Variants in CTNND2 observed in about 807,000 individuals in gnomAD.
The protein encoded by CTNND2 is catenin delta-2.
A neutral mutation model predicts 144.4 loss-of-function variants in CTNND2; 22 were observed. The observed-to-expected ratio is 0.15, with a 90% CI of 0.11 to 0.22. CTNND2 has a LOEUF of 0.22. CTNND2 is among the 10% of genes least tolerant of loss of function. CTNND2 has a pLI of 1.00. For missense variants in CTNND2, 1,353 were observed against 1,618.8 expected, an observed-to-expected ratio of 0.84 and a Z score of 2.82; for synonymous variants, 751 against 695.6, an observed-to-expected ratio of 1.08 and a Z score of -1.25.
intron 17 of CTNND2, among the ~76,000 whole-genome samples, chr5:11,019,508 G>A (rs1489866546): frequency 6.6e-6 from 1 of 152,198 alleles, no homozygotes; most frequent in Non-Finnish European, 1.5e-5. Flanking sequence ...AAAACCAAAA[G>A]AGACTGTGAA....
chr5:11,585,306 A>G (rs756082035), intron 2 of CTNND2, among the ~76,000 whole-genome samples: 8 of 152,192 alleles, frequency 5.3e-5, no homozygotes, highest in Non-Finnish European at 1.2e-4. Flanking sequence ...CTCCTACTTA[A>G]GAGAGAATAC....
intron 21 of CTNND2, among the ~76,000 whole-genome samples, 183 bp downstream of exon 21, chr5:10,981,590 C>T (rs1254952017): frequency 6.6e-6 from 1 of 151,854 alleles, no homozygotes; most frequent in Admixed American, 6.6e-5. Context: ...GAGTCCAACA[C>T]ACACACACAC....
At chr5:11,804,292 C>A (rs928977346) in intron 1 of CTNND2, among the ~76,000 whole-genome samples, 1 of 152,156 alleles carries the variant, frequency 6.6e-6, no homozygotes, top group African/African-American at 2.4e-5. Flanking sequence ...GACTGTTTGG[C>A]AGCTGCTTTA....
intron 3 of CTNND2, among the ~76,000 whole-genome samples, chr5:11,451,432 T>C (rs939033724): frequency 5.9e-5 from 9 of 152,170 alleles, no homozygotes; most frequent in African/African-American, 2.2e-4. Context: ...GTCCTAGGAA[T>C]AGTAAGTAAT....
At chr5:11,834,677 TA>T (rs1358900928) in intron 1 of CTNND2, among the ~76,000 whole-genome samples, 1 of 152,206 alleles carries the variant, frequency 6.6e-6, no homozygotes. Context: ...TCATTGTGAA[TA>T]TACCTTTTAT....
chr5:11,864,832 A>G (rs780291479), intron 1 of CTNND2, among the ~76,000 whole-genome samples: 1 of 149,058 alleles, frequency 6.7e-6, no homozygotes, highest in Non-Finnish European at 1.5e-5. Flanking sequence ...ACTAGTCTAC[A>G]GTGAATCACA....
At chr5:11,079,574 C>T (rs991004869) in intron 16 of CTNND2, among the ~76,000 whole-genome samples, 1 of 152,152 alleles carries the variant, frequency 6.6e-6, no homozygotes, top group South Asian at 2.1e-4. Flanking sequence ...TCCCAACACT[C>T]GCCCTGCCAG....
At chr5:11,500,777 T>A (rs1359132104) in intron 3 of CTNND2, among the ~76,000 whole-genome samples, 1 of 152,226 alleles carries the variant, frequency 6.6e-6, no homozygotes, top group African/African-American at 2.4e-5. Context: ...GCATGCTAAA[T>A]GTATCTCAGA....
At chr5:11,266,498 T>C (rs1745453450) in intron 9 of CTNND2, among the ~76,000 whole-genome samples, 2 of 152,342 alleles carry the variant, frequency 1.3e-5, no homozygotes, top group African/African-American at 4.8e-5. Flanking sequence ...GCCATTTTAA[T>C]TGCAGTATTG....
At chr5:11,812,964 C>G (rs570099508) in intron 1 of CTNND2, among the ~76,000 whole-genome samples, 1 of 152,154 alleles carries the variant, frequency 6.6e-6, no homozygotes, top group African/African-American at 2.4e-5. Context: ...TATCACCCCC[C>G]ACACACATAC....
At chr5:11,436,202 G>A (rs1218332788) in intron 3 of CTNND2, among the ~76,000 whole-genome samples, 2 of 151,988 alleles carry the variant, frequency 1.3e-5, no homozygotes, top group Non-Finnish European at 2.9e-5. Flanking sequence ...GGCAACAGAC[G>A]AATGGGAGAA....
chr5:11,624,028 C>T (rs1214434691), intron 2 of CTNND2, among the ~76,000 whole-genome samples: 1 of 151,326 alleles, frequency 6.6e-6, no homozygotes, highest in African/African-American at 2.4e-5. Flanking sequence ...GACACCTGAC[C>T]ATATAGACTT....
At chr5:11,454,170 C>G (rs561944773) in intron 3 of CTNND2, among the ~76,000 whole-genome samples, 22 of 152,222 alleles carry the variant, frequency 1.4e-4, no homozygotes, top group Non-Finnish European at 2.5e-4. Flanking sequence ...GCCTGTAGCC[C>G]CAGCACTTGG....
At chr5:11,762,378 T>C (rs1219980186) in intron 1 of CTNND2, among the ~76,000 whole-genome samples, 2 of 152,160 alleles carry the variant, frequency 1.3e-5, no homozygotes, top group Non-Finnish European at 2.9e-5. Flanking sequence ...ATTAGATCTA[T>C]ACTGTAATGT....
At chr5:11,086,674 A>T (rs1023605932) in intron 15 of CTNND2, among the ~76,000 whole-genome samples, 13 of 152,336 alleles carry the variant, frequency 8.5e-5, no homozygotes, top group Admixed American at 3.3e-4. Context: ...TTTGGTAACA[A>T]GGAGAAGTCA....
At chr5:11,311,260 A>ATACC (rs1750806257) in intron 9 of CTNND2, among the ~76,000 whole-genome samples, 1 of 112,740 alleles carries the variant, frequency 8.9e-6, no homozygotes, top group Non-Finnish European at 1.8e-5. Flanking sequence ...ATAAACTCTC[A>ATACC]CACTCACTCC....
chr5:10,986,232 T>C (rs549372147), intron 20 of CTNND2, among the ~76,000 whole-genome samples: 3 of 152,362 alleles, frequency 2.0e-5, no homozygotes, highest in African/African-American at 7.2e-5. Context: ...GTAAATTTTA[T>C]GTTTTATTTT....
chr5:11,695,622 C>G (rs767053062), intron 2 of CTNND2, among the ~76,000 whole-genome samples: 3 of 152,144 alleles, frequency 2.0e-5, no homozygotes, highest in Non-Finnish European at 4.4e-5. Context: ...ATGTCACATT[C>G]ACATTTATTT....
Position 11,270,637 on chromosome 5 carries a change from T to C in CTNND2, c.1629-33814A>G, listed in dbSNP as rs191839531. Among the ~76,000 whole-genome samples the C allele has an allele frequency of 5.4e-4, 83 of 152,320 alleles. 2 individuals are homozygous for C. In the South Asian group the frequency reaches 0.017, roughly 31 times the overall value. On this transcript the variant is annotated intron_variant, in intron 9 of 21. Coordinates refer to ENST00000304623, the MANE Select transcript of CTNND2 (RefSeq NM_001332.4). The stretch of plus-strand genomic sequence containing the variant: ...ATCCCTGCTTCAACACATGGTACCA[T>C]GAGAAGCAGCATTAGAAAGGATCAA...
Sources: gnomAD v4.1 joint callset for allele counts (sites outside exome capture counted in the v4.1 genomes callset) on GRCh38, gnomAD v4.1.1 for gene constraint, MANE v1.5 for transcripts, NCBI Gene and HGNC (gene_info 2026-07-23, HGNC 2026-07-21) for gene names.